The following DIAPH3 variants were observed in gnomAD, a reference collection of about 807,000 sequenced individuals.
DIAPH3 encodes protein diaphanous homolog 3.
Under a neutral mutation model 144.3 loss-of-function variants are expected in DIAPH3, and 117 were observed. The observed-to-expected ratio is 0.81, with a 90% CI of 0.70 to 0.95. The LOEUF (loss-of-function observed/expected upper bound fraction) is 0.95. Ranked by LOEUF, DIAPH3 falls within the 40% of genes least tolerant of loss-of-function variation. The pLI is 0.00. For synonymous variants in DIAPH3, 519 were observed against 488.9 expected (o/e 1.06, Z -0.81); for missense variants, 1,421 against 1,412.7 (o/e 1.01, Z -0.09).
At chr13:60,090,225 A>C (rs780607948) in intron 4 of DIAPH3, among the ~76,000 whole-genome samples, 1 of 152,186 alleles carries the variant, frequency 6.6e-6, no homozygotes, top group South Asian at 2.1e-4. Flanking sequence ...AGAAAAATGT[A>C]AATCTGGTAT....
chr13:60,100,961 T>A (rs922820381), intron 3 of DIAPH3, among the ~76,000 whole-genome samples: 2 of 152,102 alleles, frequency 1.3e-5, no homozygotes, highest in African/African-American at 2.4e-5. Flanking sequence ...CAGAATTCCA[T>A]TCAAAACACA....
chr13:59,807,849 CT>C (rs1031808166), intron 25 of DIAPH3, among the ~76,000 whole-genome samples: 2 of 151,892 alleles, frequency 1.3e-5, no homozygotes, highest in Admixed American at 6.6e-5. Context: ...AACATTCAAG[CT>C]TTTTTTAAAA....
rs1414873665 is a variant in DIAPH3 at position 59,709,316 on chromosome 13, A to C, written c.3320-42470T>G. 2.0e-5 allele frequency among the ~76,000 whole-genome samples: 3 copies of C among 152,190 alleles called. 1 individual carries two copies. In the South Asian group the frequency reaches 6.2e-4, roughly 32 times the overall value. ...ATCAGAGCGAACAGGCAACCTACAA[A>C]ATGGGAGAAAATTTTCGCAACCTAC... On this transcript the variant is annotated intron_variant, in intron 27 of 27. Coordinates refer to ENST00000400324, the MANE Select transcript of DIAPH3 (RefSeq NM_001042517.2).
intron 12 of DIAPH3, among the ~76,000 whole-genome samples, 198 bp from the exon 13 acceptor site, chr13:59,984,085 T>C (rs371803428): frequency 2.6e-5 from 4 of 151,700 alleles, no homozygotes; most frequent in Admixed American, 2.0e-4. Context: ...ATTCAAAACA[T>C]CATTTTTATA....
rs1204856051 is a variant in DIAPH3 at position 59,970,619 on chromosome 13, C to T, written c.1959+233G>A. On this transcript the variant is annotated intron_variant, in intron 16 of 27. Transcript: ENST00000400324. ...TCGGATTCCACTGGAACAACATCAA[C>T]TCTCACTGTATTTATAAAGCAGAAA... is the stretch of plus-strand genomic sequence containing the variant. 4.0e-5 allele frequency among the ~76,000 whole-genome samples: 6 copies of T among 151,888 alleles called. No individual in the cohort carries two copies. In the East Asian group the frequency reaches 1.2e-3, roughly 29 times the overall value.
At chr13:59,833,398 C>T in intron 23 of DIAPH3, 127 bp from the exon 24 acceptor site, 1 of 663,894 alleles carries the variant, frequency 1.5e-6, no homozygotes. Context: ...AAAATTACTT[C>T]TAATAGTTGA....
Position 59,684,051 on chromosome 13 carries a change from G to GA in DIAPH3, c.3320-17206dup, listed in dbSNP as rs749664465. 2.2e-3 allele frequency among the ~76,000 whole-genome samples: 308 copies of GA among 140,216 alleles called. 1 individual carries two copies. Among genetic ancestry groups the GA allele is most frequent in the East Asian group, 8.9e-3 (44 of 4,918 alleles). 92.0% of individuals were successfully genotyped at this position (140,216 alleles called of 152,430 possible). On this transcript the variant is annotated intron_variant, in intron 27 of 27. Coordinates refer to ENST00000400324, the MANE Select transcript of DIAPH3 (RefSeq NM_001042517.2). The stretch of plus-strand genomic sequence containing the variant: ...TAATATTCCCATTCTGCAGGGGGAG[G>GA]AAAAAAAAAAAAACAAGGCCAAGGA...
intron 17 of DIAPH3, among the ~76,000 whole-genome samples, chr13:59,950,060 G>A (rs899239801): frequency 1.3e-5 from 2 of 152,106 alleles, no homozygotes; most frequent in South Asian, 4.1e-4. Flanking sequence ...ACAGAGCTGT[G>A]TGATACTAAG....
At chr13:59,729,388 G>T (rs79637809) in intron 27 of DIAPH3, among the ~76,000 whole-genome samples, 33 of 152,180 alleles carry the variant, frequency 2.2e-4, no homozygotes, top group African/African-American at 7.9e-4. Context: ...CTCTAATACA[G>T]AAGCAAACAG....
chr13:59,805,930 G>A (rs189759745), intron 25 of DIAPH3, among the ~76,000 whole-genome samples: 3 of 152,028 alleles, frequency 2.0e-5, no homozygotes, highest in South Asian at 2.1e-4. Context: ...CTTGCTGAGG[G>A]CAAGTAATGA....
intron 22 of DIAPH3, among the ~76,000 whole-genome samples, chr13:59,848,574 T>C (rs1405345691): frequency 3.6e-5 from 5 of 138,634 alleles, no homozygotes; most frequent in African/African-American, 1.3e-4. Flanking sequence ...GTGTTTGGTT[T>C]TTTGTTCTTG....
chr13:59,949,376 C>T (rs1021312302), intron 17 of DIAPH3, among the ~76,000 whole-genome samples: 3 of 152,082 alleles, frequency 2.0e-5, no homozygotes, highest in Non-Finnish European at 4.4e-5. Flanking sequence ...AATCAAGAAA[C>T]CTAATAGATA....
At chr13:60,100,686 AAG>A (rs1318920989) in intron 3 of DIAPH3, among the ~76,000 whole-genome samples, 6 of 152,148 alleles carry the variant, frequency 3.9e-5, no homozygotes, top group Admixed American at 3.9e-4. Context: ...TTTCAAAATA[AAG>A]AGTTATTTTA....
chr13:59,866,369 T>C (rs138768204), intron 21 of DIAPH3, among the ~76,000 whole-genome samples: 1 of 152,188 alleles, frequency 6.6e-6, no homozygotes, highest in East Asian at 1.9e-4. Flanking sequence ...TCTTATCCAC[T>C]ATAAAATATA....
intron 25 of DIAPH3, among the ~76,000 whole-genome samples, chr13:59,791,990 T>G (rs2039351014): frequency 6.6e-6 from 1 of 152,202 alleles, no homozygotes; most frequent in Admixed American, 6.5e-5. Context: ...ACCATCATTC[T>G]TAGACAACAG....
In DIAPH3 at chr13:59,666,263, A is replaced by C. The variant is rs2031998503; in HGVS notation, c.*321T>G. 4.3e-6 allele frequency: 1 copy of C among 230,718 alleles called. No homozygotes were observed. Among genetic ancestry groups the C allele is most frequent in the Admixed American group, 5.3e-5 (1 of 19,000 alleles). 14.3% of individuals were successfully genotyped at this position (230,718 alleles called of 1,614,324 possible). A position where few individuals can be genotyped will look rare whatever the true frequency, so the allele number is the denominator to read the frequency against. On this transcript the variant is annotated 3_prime_UTR_variant, in exon 28 of 28. Transcript: ENST00000400324. The stretch of plus-strand genomic sequence containing the variant: ...GGCTTAGAAAGATGGTATTTTCTTA[A>C]GGACACACTGCTGAACACATGGCCA...
chr13:59,832,834 C>A, intron 24 of DIAPH3: 1 of 369,594 alleles, frequency 2.7e-6, no homozygotes, highest in South Asian at 3.3e-5. Flanking sequence ...TACAGAAGTG[C>A]TCTGTAATTA....
intron 17 of DIAPH3, among the ~76,000 whole-genome samples, chr13:59,936,401 T>C (rs759821000): frequency 3.3e-5 from 5 of 152,132 alleles, no homozygotes; most frequent in Non-Finnish European, 7.4e-5. Flanking sequence ...TTGGGTATAA[T>C]CACCCCCTCA....
At chr13:60,119,590 AC>A (rs2058786657) in intron 2 of DIAPH3, among the ~76,000 whole-genome samples, 1 of 151,264 alleles carries the variant, frequency 6.6e-6, no homozygotes, top group African/African-American at 2.4e-5. Flanking sequence ...TACTAAAAAT[AC>A]AAAAAATTAG....
Sources: allele counts gnomAD v4.1 joint callset (sites outside exome capture counted in the v4.1 genomes callset), GRCh38; gene constraint gnomAD v4.1.1; transcripts MANE v1.5; gene names NCBI Gene and HGNC (gene_info 2026-07-23, HGNC 2026-07-21).